Variants in CDK5RAP1 observed in about 807,000 individuals in gnomAD.
CDK5RAP1 encodes the protein mitochondrial tRNA methylthiotransferase CDK5RAP1.
CDK5RAP1 carries 62 observed loss-of-function variants against 64.5 expected under a neutral mutation model. The ratio of observed to expected loss-of-function variants is 0.96; its 90% CI spans 0.78 to 1.19. The LOEUF is 1.19. CDK5RAP1 is among the 50% of genes most tolerant of loss of function. CDK5RAP1 has a pLI of 0.00. For missense variants in CDK5RAP1, 657 were observed against 735.0 expected (o/e 0.89, Z 1.23); for synonymous variants, 250 against 261.9 (o/e 0.95, Z 0.44).
intron 8 of CDK5RAP1, among the ~76,000 whole-genome samples, chr20:33,375,922 A>C (rs1985928073): frequency 6.6e-6 from 1 of 152,150 alleles, no homozygotes; most frequent in Non-Finnish European, 1.5e-5. Flanking sequence ...AGTGCAATGA[A>C]ACTGTAGCTC....
intron 8 of CDK5RAP1, among the ~76,000 whole-genome samples, chr20:33,378,104 G>C (rs1017569997): frequency 1.3e-5 from 2 of 152,264 alleles, no homozygotes; most frequent in South Asian, 4.1e-4. Flanking sequence ...AGCCTAGCTC[G>C]GCTTTCAACA....
Position 33,360,481 on chromosome 20 carries a change from C to A in CDK5RAP1, c.1553G>T (p.Arg518Leu), listed in dbSNP as rs544294285. The part of the protein sequence containing the change: ...QLVLVEGLSK[R>L]SATDLCGRND... ...CCTGCCACACAGGTCAGTGGCAGAG[C>A]GTTTACTGAGCTGCAGAAAGAAGAG... The change falls in exon 13 of 14, where the codon CGC becomes CTC. Residue 518 changes from arginine (R) to leucine (L), a missense_variant. Physicochemically the swap from Arg to Leu is moderately radical, Grantham distance 102 (BLOSUM62 -2). Coordinates refer to ENST00000346416, the MANE Select transcript of CDK5RAP1 (RefSeq NM_016408.4). The A allele has an allele frequency of 2.5e-6, 4 of 1,609,762 alleles. No homozygotes were observed. The highest frequency in any genetic ancestry group is 1.1e-5 in the South Asian group (1 of 90,188).
intron 4 of CDK5RAP1, among the ~76,000 whole-genome samples, chr20:33,393,550 C>T (rs2042076417): frequency 6.6e-6 from 1 of 151,958 alleles, no homozygotes; most frequent in African/African-American, 2.4e-5. Flanking sequence ...ACAGTATAGC[C>T]GGATAGGGAA....
At chr20:33,362,014 C>A (rs1275623860) in intron 12 of CDK5RAP1, among the ~76,000 whole-genome samples, 1 of 150,802 alleles carries the variant, frequency 6.6e-6, no homozygotes, top group Non-Finnish European at 1.5e-5. Context: ...TCTCTGTGAC[C>A]TCTGGGACAA....
At chr20:33,373,024 A>C in intron 9 of CDK5RAP1, 1 of 215,046 alleles carries the variant, frequency 4.7e-6, no homozygotes, top group Non-Finnish European at 9.1e-6. Context: ...TGATCCTTCC[A>C]CCTCAGCCTC....
At chr20:33,369,488 CA>C (rs11475585) in intron 11 of CDK5RAP1, among the ~76,000 whole-genome samples, 67,074 of 146,740 alleles carry the variant, frequency 0.46, 15,405 homozygotes, top group Non-Finnish European at 0.52. Flanking sequence ...GACTCCGCCT[CA>C]AAAAAAAAAA....
At chr20:33,378,614 G>A (rs1986332973) in intron 8 of CDK5RAP1, among the ~76,000 whole-genome samples, 1 of 152,124 alleles carries the variant, frequency 6.6e-6, no homozygotes, top group Admixed American at 6.5e-5. Flanking sequence ...GTATGCCTTT[G>A]TATCTATTTC....
rs201432515 is a variant in CDK5RAP1 at position 33,365,294 on chromosome 20, C to CA, written c.1542+1564dup. Among the ~76,000 whole-genome samples, 612 of 151,604 alleles carry CA rather than the reference C, an allele frequency of 4.0e-3. 7 individuals are homozygous for CA. The highest frequency in any genetic ancestry group is 0.014 in the African/African-American group (575 of 41,330). ...GTTGTTTATTTGGGTTTTTTTGAAA[C>CA]AGAGTCTCACTCTGTTGCCCAGGCT... is the stretch of plus-strand genomic sequence containing the variant. On this transcript the variant is annotated intron_variant, in intron 12 of 13. Coordinates refer to ENST00000346416, the MANE Select transcript of CDK5RAP1 (RefSeq NM_016408.4).
intron 8 of CDK5RAP1, among the ~76,000 whole-genome samples, chr20:33,379,019 G>A (rs1045714782): frequency 6.6e-6 from 1 of 151,868 alleles, no homozygotes; most frequent in Non-Finnish European, 1.5e-5. Context: ...GTGCGATCTC[G>A]GCTCACTGCA....
At chr20:33,382,101 C>T (rs2146660762) in intron 7 of CDK5RAP1, among the ~76,000 whole-genome samples, 1 of 152,276 alleles carries the variant, frequency 6.6e-6, no homozygotes, top group African/African-American at 2.4e-5. Flanking sequence ...CTTGGCCTCC[C>T]AAAGTGCTGG....
intron 1 of CDK5RAP1, 60 bp from the exon 2 acceptor site, chr20:33,397,144 G>T: frequency 7.8e-7 from 1 of 1,287,964 alleles, no homozygotes; most frequent in Non-Finnish European, 1.1e-6. Context: ...GGACACTGCT[G>T]TGAGCACTTC....
At chr20:33,374,683 C>G (rs566916693) in intron 8 of CDK5RAP1, among the ~76,000 whole-genome samples, 2 of 152,012 alleles carry the variant, frequency 1.3e-5, no homozygotes, top group South Asian at 4.2e-4. Flanking sequence ...CCTGCCTCAG[C>G]CTCCCCAGTA....
At chr20:33,368,457 T>A in intron 11 of CDK5RAP1, among the ~76,000 whole-genome samples, 1 of 118,004 alleles carries the variant, frequency 8.5e-6, no homozygotes, top group African/African-American at 3.1e-5. Flanking sequence ...CACTCTCGGC[T>A]AATTTTTTTT....
chr20:33,395,885 G>A (rs991566547), intron 2 of CDK5RAP1, among the ~76,000 whole-genome samples: 1 of 151,792 alleles, frequency 6.6e-6, no homozygotes, highest in South Asian at 2.1e-4. Flanking sequence ...GTGGTGGCGT[G>A]CACCTGTAAT....
At chr20:33,365,463 T>C (rs1023420678) in intron 12 of CDK5RAP1, among the ~76,000 whole-genome samples, 1 of 151,348 alleles carries the variant, frequency 6.6e-6, no homozygotes, top group African/African-American at 2.4e-5. Context: ...GTAGAGACGG[T>C]GATTCACCAT....
At chr20:33,390,890 T>G (rs1988230464) in intron 5 of CDK5RAP1, among the ~76,000 whole-genome samples, 1 of 152,222 alleles carries the variant, frequency 6.6e-6, no homozygotes, top group South Asian at 2.1e-4. Flanking sequence ...TTAACTAAAT[T>G]CTGAGACAGA....
rs756264785 is a variant in CDK5RAP1 at position 33,366,896 on chromosome 20, G to A, written c.1505C>T (p.Thr502Ile). Residue 502 changes from threonine (T) to isoleucine (I), a missense_variant, in exon 12 of 14, where the codon ACC becomes ATC. Physicochemically the swap from Thr to Ile is moderately conservative, Grantham distance 89 (BLOSUM62 -1). Coordinates refer to ENST00000346416, the MANE Select transcript of CDK5RAP1 (RefSeq NM_016408.4). ...CACCAACTGGGTACAGCCCACAGAG[G>A]TCTGATTGGCTTTTGTTGCTTCTTC... ...FREEATKANQ[T>I]SVGCTQLVLV... The A allele has an allele frequency of 3.1e-6, 5 of 1,613,894 alleles. No homozygotes were observed. The South Asian group carries it at 3.3e-5, about 11-fold the overall frequency.
At chr20:33,385,881 C>G (rs1987367711) in intron 6 of CDK5RAP1, 111 bp from the exon 7 acceptor site, 2 of 965,546 alleles carry the variant, frequency 2.1e-6, no homozygotes, top group African/African-American at 3.3e-5. Flanking sequence ...ATCCTCTTGC[C>G]ACAATGCTCA....
intron 12 of CDK5RAP1, among the ~76,000 whole-genome samples, chr20:33,363,527 G>T (rs141997587): frequency 6.6e-6 from 1 of 151,966 alleles, no homozygotes; most frequent in African/African-American, 2.4e-5. Flanking sequence ...TGATTCAAGG[G>T]GAAAAAAAGT....
Sources: allele counts gnomAD v4.1 joint callset (sites outside exome capture counted in the v4.1 genomes callset), GRCh38; gene constraint gnomAD v4.1.1; transcripts MANE v1.5; gene names NCBI Gene and HGNC (gene_info 2026-07-23, HGNC 2026-07-21).